The following MRPS6 variants were observed in gnomAD, a reference collection of about 807,000 sequenced individuals.
The protein encoded by MRPS6 is small ribosomal subunit protein bS6m.
A neutral mutation model predicts 13.1 loss-of-function variants in MRPS6; 6 were observed. The ratio of observed to expected loss-of-function variants is 0.46; its 90% CI spans 0.25 to 0.91. The LOEUF (loss-of-function observed/expected upper bound fraction) is 0.91. Ranked by LOEUF, MRPS6 falls within the 40% of genes least tolerant of loss-of-function variation. MRPS6 has a pLI of 0.18. For missense variants in MRPS6, 164 were observed against 155.6 expected (o/e 1.05, Z -0.29); for synonymous variants, 61 against 56.5 (o/e 1.08, Z -0.36).
intron 2 of MRPS6, among the ~76,000 whole-genome samples, chr21:34,126,173 G>C (rs1374100309): frequency 6.6e-6 from 1 of 152,072 alleles, no homozygotes; most frequent in Non-Finnish European, 1.5e-5. Flanking sequence ...AGCTCTCTCT[G>C]GCACTCAGCA....
At chr21:34,116,861 G>A (rs551435890) in intron 1 of MRPS6, among the ~76,000 whole-genome samples, 18 of 152,142 alleles carry the variant, frequency 1.2e-4, no homozygotes, top group African/African-American at 4.1e-4. Context: ...AAGTAAACAA[G>A]CCTCTTTAAG....
rs146893213 is a variant in MRPS6 at position 34,096,602 on chromosome 21, A to T, written c.45+22857A>T. The T allele has an allele frequency of 6.2e-7, 1 of 1,614,084 alleles. No homozygotes were observed. The highest frequency in any genetic ancestry group is 1.3e-5 in the African/African-American group (1 of 75,012). On this transcript the variant is annotated intron_variant, in intron 1 of 2. Transcript: ENST00000399312. This position sits in a 1 kb window ranked among gnomAD's most constrained non-coding sequence, Gnocchi z 5.9. ...TTTTCTGGAAGCGCTGCAATGAACA[A>T]GGGGCTTTCTATGGTGGAATGGCTG...
chr21:34,077,377 C>T (rs998060175), intron 1 of MRPS6, among the ~76,000 whole-genome samples: 9 of 152,130 alleles, frequency 5.9e-5, no homozygotes, highest in Non-Finnish European at 1.0e-4. Context: ...ACTTTAGGAA[C>T]GCTAATTACG....
At chr21:34,099,395 G>A (rs1368557681) in intron 1 of MRPS6, 1 of 1,000,108 alleles carries the variant, frequency 1.0e-6, no homozygotes, top group Non-Finnish European at 1.2e-6. Flanking sequence ...GTTTTGTCCT[G>A]TTTTTTCAAA....
intron 1 of MRPS6, chr21:34,103,225 A>G (rs561630207): frequency 2.0e-6 from 2 of 999,282 alleles, no homozygotes; most frequent in Non-Finnish European, 2.4e-6. Flanking sequence ...GGTTACCAGT[A>G]TTGACTCTGC....
chr21:34,119,251 A>G (rs1602954632), intron 1 of MRPS6, among the ~76,000 whole-genome samples: 1 of 152,154 alleles, frequency 6.6e-6, no homozygotes, highest in Non-Finnish European at 1.5e-5. Flanking sequence ...GGCACTTCAC[A>G]TATTTTTATG....
chr21:34,074,601 T>A (rs2148649807), intron 1 of MRPS6, among the ~76,000 whole-genome samples: 1 of 152,340 alleles, frequency 6.6e-6, no homozygotes, highest in South Asian at 2.1e-4. Flanking sequence ...CTGGGTCATG[T>A]ACTCCTCAAG....
At chr21:34,088,628 G>T (rs1370889857) in intron 1 of MRPS6, among the ~76,000 whole-genome samples, 4 of 152,186 alleles carry the variant, frequency 2.6e-5, no homozygotes, top group African/African-American at 4.8e-5. Flanking sequence ...TTCACTGAAG[G>T]TAGTATTGCA....
chr21:34,094,596 A>G (rs1345352027), intron 1 of MRPS6, among the ~76,000 whole-genome samples: 1 of 152,222 alleles, frequency 6.6e-6, no homozygotes, highest in African/African-American at 2.4e-5. Flanking sequence ...TGTGGTAGGC[A>G]GTTAGCTGCT....
chr21:34,073,629 T>TC lies in MRPS6; in HGVS notation c.-68dup, dbSNP rs1322238527. ...CGCAGCAGTTTCTAGGTCCCCACTG[T>TC]CCCCGCCGTCCCGCCCCTTCGCGTC... is the stretch of plus-strand genomic sequence containing the variant. On this transcript the variant is annotated 5_prime_UTR_variant, in exon 1 of 3. Coordinates refer to ENST00000399312, the MANE Select transcript of MRPS6 (RefSeq NM_032476.4). 5 of 1,360,944 alleles carry TC rather than the reference T, an allele frequency of 3.7e-6. No individual in the cohort carries two copies. The East Asian group carries it at 1.1e-4, about 31-fold the overall frequency. 84.3% of individuals were successfully genotyped at this position (1,360,944 alleles called of 1,614,324 possible).
chr21:34,104,314 T>C lies in MRPS6; in HGVS notation c.46-21027T>C, dbSNP rs9981288. 4.7e-3 allele frequency: 4,744 copies of C among 1,000,048 alleles called. 189 individuals carry two copies. In the African/African-American group the frequency reaches 0.075, roughly 16 times the overall value. The allele number at this position is 1,000,048 out of a possible 1,614,324, so 61.9% of individuals were successfully genotyped here. A position where few individuals can be genotyped will look rare whatever the true frequency, so the allele number is the denominator to read the frequency against. On this transcript the variant is annotated intron_variant, in intron 1 of 2. Coordinates refer to ENST00000399312, the MANE Select transcript of MRPS6 (RefSeq NM_032476.4). ...GTCTAGATGAGATGAAATCTGTTAA[T>C]GTGTGTGTAGAAGAAAACGTATGTT...
At chr21:34,120,195 C>T (rs776505161) in intron 1 of MRPS6, among the ~76,000 whole-genome samples, 1 of 152,102 alleles carries the variant, frequency 6.6e-6, no homozygotes, top group Non-Finnish European at 1.5e-5. Flanking sequence ...TGAGTGGTAC[C>T]AGAGTAGTAT....
chr21:34,122,371 G>A (rs940054875), intron 1 of MRPS6: 1 of 152,086 alleles, frequency 6.6e-6, no homozygotes, highest in Non-Finnish European at 1.5e-5. Context: ...TCCACCTTTC[G>A]TTTTATACTT....
intron 1 of MRPS6, among the ~76,000 whole-genome samples, chr21:34,074,949 C>T (rs1226675132): frequency 6.6e-6 from 1 of 152,230 alleles, no homozygotes; most frequent in Non-Finnish European, 1.5e-5. Context: ...TCCAGACAGC[C>T]TGGCCAGGCA....
chr21:34,105,383 C>G (rs943460082), intron 1 of MRPS6: 1 of 998,836 alleles, frequency 1.0e-6, no homozygotes, highest in Non-Finnish European at 1.2e-6. Context: ...AGAAGAAAAC[C>G]AATTCTTTTT....
intron 2 of MRPS6, among the ~76,000 whole-genome samples, chr21:34,136,794 A>G (rs1980719640): frequency 6.6e-6 from 1 of 152,102 alleles, no homozygotes; most frequent in Non-Finnish European, 1.5e-5. Context: ...TTTTTCTATT[A>G]TGGATTTTGG....
intron 1 of MRPS6, among the ~76,000 whole-genome samples, chr21:34,079,055 T>G (rs1989398797): frequency 6.6e-6 from 1 of 152,218 alleles, no homozygotes; most frequent in African/African-American, 2.4e-5. Flanking sequence ...GACAGTTAAT[T>G]CAGCCTCTTA....
At chr21:34,093,748 CTT>C (rs935888725) in intron 1 of MRPS6, among the ~76,000 whole-genome samples, 2 of 152,086 alleles carry the variant, frequency 1.3e-5, no homozygotes, top group African/African-American at 4.8e-5. Flanking sequence ...GTATTTGTCT[CTT>C]TTTCAGGAGA....
chr21:34,120,343 A>AT (rs142840473), intron 1 of MRPS6, among the ~76,000 whole-genome samples: 8,872 of 152,248 alleles, frequency 0.058, 299 homozygotes, highest in Middle Eastern at 0.13. Flanking sequence ...AGCCCACTGC[A>AT]TTTTCATACA....
Sources: gnomAD v4.1 joint callset for allele counts (sites outside exome capture counted in the v4.1 genomes callset) on GRCh38, gnomAD v4.1.1 for gene constraint, Gnocchi (gnomAD v3.1) non-coding constraint, MANE v1.5 for transcripts, NCBI Gene and HGNC (gene_info 2026-07-23, HGNC 2026-07-21) for gene names.